Variants in HMGCLL1 observed in about 807,000 individuals in gnomAD.
The protein encoded by HMGCLL1 is 3-hydroxy-3-methylglutaryl-CoA lyase like 1.
HMGCLL1 carries 36 observed loss-of-function variants against 39.1 expected under a neutral mutation model. The observed-to-expected ratio is 0.92, with a 90% CI of 0.71 to 1.22. HMGCLL1 has a LOEUF of 1.22. Ranked by LOEUF, HMGCLL1 falls within the 50% of genes most tolerant of loss-of-function variation. The pLI is 0.00. For synonymous variants in HMGCLL1, 149 were observed against 144.0 expected, an observed-to-expected ratio of 1.03 and a Z score of -0.25; for missense variants, 451 against 416.5, an observed-to-expected ratio of 1.08 and a Z score of -0.72.
chr6:55,621,784 C>T, the HMGCLL1 span, among the ~76,000 whole-genome samples: 3 of 152,080 alleles, frequency 2.0e-5, no homozygotes, highest in African/African-American at 7.2e-5. Context: ...AGTCCATCAT[C>T]GTTATATTCC....
chr6:55,583,181 C>T (rs1026826829), upstream of HMGCLL1, among the ~76,000 whole-genome samples: 3 of 151,726 alleles, frequency 2.0e-5, no homozygotes, highest in Non-Finnish European at 4.4e-5. Flanking sequence ...TTTGATGAAG[C>T]CATTTATTTT....
At chr6:55,623,652 A>G in the HMGCLL1 span, among the ~76,000 whole-genome samples, 1 of 149,580 alleles carries the variant, frequency 6.7e-6, no homozygotes, top group South Asian at 2.1e-4. Context: ...ATATACACAA[A>G]TAATATATAT....
At position 55,539,672 on chromosome 6, in the gene HMGCLL1, A is replaced by T. The variant is rs1286773106; in HGVS notation, c.297+2057T>A. On this transcript the variant is annotated intron_variant, in intron 3 of 8. Coordinates refer to ENST00000274901, the MANE Select transcript of HMGCLL1 (RefSeq NM_001042406.2). ...ATGATGAGGACACACGGACACATAG[A>T]GAGGAACAACACACACTGGAGCGTA... Among the ~76,000 whole-genome samples, 8 of 151,502 alleles carry T rather than the reference A, an allele frequency of 5.3e-5. No homozygotes were observed. In the South Asian group the frequency reaches 1.7e-3, roughly 32 times the overall value.
intron 7 of HMGCLL1, 57 bp downstream of exon 7, chr6:55,495,362 T>C: frequency 7.8e-7 from 1 of 1,287,818 alleles, no homozygotes; most frequent in Non-Finnish European, 1.1e-6. Flanking sequence ...ATGTTTATAT[T>C]ACAGATAAAG....
the HMGCLL1 span, among the ~76,000 whole-genome samples, chr6:55,625,635 G>A: frequency 1.3e-5 from 2 of 152,172 alleles, no homozygotes; most frequent in Non-Finnish European, 2.9e-5. Flanking sequence ...CGAACTTTGA[G>A]CAGTGAACCT....
intron 7 of HMGCLL1, among the ~76,000 whole-genome samples, chr6:55,453,296 A>AAG (rs1331642328): frequency 6.6e-6 from 1 of 152,150 alleles, no homozygotes; most frequent in Non-Finnish European, 1.5e-5. Context: ...CTCCTGCCTC[A>AAG]GCCTTACCAG....
chr6:55,667,500 T>C, the HMGCLL1 span, among the ~76,000 whole-genome samples: 1 of 151,734 alleles, frequency 6.6e-6, no homozygotes, highest in South Asian at 2.1e-4. Context: ...CCTACTCAGC[T>C]AATAAGTGAC....
intron 7 of HMGCLL1, among the ~76,000 whole-genome samples, chr6:55,486,637 T>C (rs536007481): frequency 1.3e-5 from 2 of 152,200 alleles, no homozygotes; most frequent in South Asian, 4.2e-4. Context: ...CCCAAACCTT[T>C]ATCTTTTATC....
At chr6:55,477,385 C>A (rs185502713) in intron 7 of HMGCLL1, among the ~76,000 whole-genome samples, 145 of 12,742 alleles carry the variant, frequency 0.011, 4 homozygotes, top group African/African-American at 0.057. Context: ...TATATATTAT[C>A]TAAATATAAT....
At chr6:55,644,128 G>A in the HMGCLL1 span, among the ~76,000 whole-genome samples, 2 of 151,908 alleles carry the variant, frequency 1.3e-5, no homozygotes, top group Non-Finnish European at 2.9e-5. Context: ...ACTCATTGTA[G>A]TTTTGAATTG....
In HMGCLL1 at chr6:55,539,940, A is replaced by AGAAGGAAG. The variant is rs753957303; in HGVS notation, c.297+1781_297+1788dup. On this transcript the variant is annotated intron_variant, in intron 3 of 8. Coordinates refer to ENST00000274901, the MANE Select transcript of HMGCLL1 (RefSeq NM_001042406.2). ...AAAGAAAAGGAGGATGAGGAGGAGG[A>AGAAGGAAG]GAAGGAAGGAAGGAAGGAAGGAAGG... Among the ~76,000 whole-genome samples the AGAAGGAAG allele has an allele frequency of 5.9e-3, 339 of 57,078 alleles. 4 individuals are homozygous for AGAAGGAAG. The highest frequency in any genetic ancestry group is 0.014 in the East Asian group (22 of 1,564). 37.4% of individuals were successfully genotyped at this position (57,078 alleles called of 152,430 possible).
the HMGCLL1 span, among the ~76,000 whole-genome samples, chr6:55,609,589 T>C: frequency 6.6e-6 from 1 of 152,118 alleles, no homozygotes; most frequent in East Asian, 1.9e-4. Context: ...AGACTTAGTC[T>C]TTCCTCCTGC....
Position 55,514,072 on chromosome 6 carries a change from C to T in HMGCLL1, c.518G>A (p.Arg173Lys), listed in dbSNP as rs759817782. The part of the protein sequence containing the change: ...GKFEEVVKSA[R>K]HMNIPARGYV... ...CCCTCGTGCTGGAATATTCATGTGT[C>T]TTGCAGACTTAACAACCTCCTCAAA... The change falls in exon 5 of 9, where the codon AGA becomes AAA. Residue 173 changes from arginine (R) to lysine (K), a missense_variant. By Grantham distance (26) the Arg-to-Lys change is conservative. Coordinates refer to ENST00000274901, the MANE Select transcript of HMGCLL1 (RefSeq NM_001042406.2). 8.5e-5 allele frequency: 137 copies of T among 1,612,834 alleles called. No individual in the cohort carries two copies. The highest frequency in any genetic ancestry group is 1.1e-4 in the Non-Finnish European group (134 of 1,179,552).
chr6:55,571,455 G>GA (rs1771489380), intron 1 of HMGCLL1, among the ~76,000 whole-genome samples: 2 of 152,240 alleles, frequency 1.3e-5, no homozygotes, highest in South Asian at 2.1e-4. Flanking sequence ...TTAAAAATAG[G>GA]AAATGTAAAA....
At chr6:55,460,513 A>G (rs1764511914) in intron 7 of HMGCLL1, among the ~76,000 whole-genome samples, 1 of 151,938 alleles carries the variant, frequency 6.6e-6, no homozygotes, top group African/African-American at 2.4e-5. Context: ...TATGTTTATT[A>G]TGCAAGAAAT....
chr6:55,608,488 GA>G, the HMGCLL1 span, among the ~76,000 whole-genome samples: 3 of 150,980 alleles, frequency 2.0e-5, no homozygotes, highest in East Asian at 1.9e-4. Flanking sequence ...AGAATTTAGG[GA>G]AAAAAAACAG....
At chr6:55,435,784 T>A in intron 8 of HMGCLL1, 21 bp from the exon 9 acceptor site, 1 of 1,338,392 alleles carries the variant, frequency 7.5e-7, no homozygotes. Flanking sequence ...AATGAAGGAA[T>A]ATCAGGAAGG....
At chr6:55,649,006 AG>A in the HMGCLL1 span, among the ~76,000 whole-genome samples, 2 of 151,990 alleles carry the variant, frequency 1.3e-5, no homozygotes. Context: ...CACATCAAAA[AG>A]TTTCTCTTCA....
At chr6:55,482,178 G>C (rs1177056080) in intron 7 of HMGCLL1, among the ~76,000 whole-genome samples, 1 of 152,044 alleles carries the variant, frequency 6.6e-6, no homozygotes, top group Non-Finnish European at 1.5e-5. Context: ...TACCACTTTG[G>C]CAAACATTAA....
Sources: gnomAD v4.1 joint callset for allele counts (sites outside exome capture counted in the v4.1 genomes callset) on GRCh38, gnomAD v4.1.1 for gene constraint, MANE v1.5 for transcripts, NCBI Gene and HGNC (gene_info 2026-07-23, HGNC 2026-07-21) for gene names.